BCAR3: variants seen among roughly 807,000 people sequenced by gnomAD.
The protein encoded by BCAR3 is breast cancer anti-estrogen resistance protein 3.
In BCAR3, 37 loss-of-function variants were observed where a neutral mutation model predicts 80.1. The observed-to-expected ratio is 0.46, with a 90% CI of 0.36 to 0.61. BCAR3 has a LOEUF of 0.61. Among genes scored for constraint, BCAR3 ranks in the 20% least tolerant of loss-of-function variants. The pLI is 0.00. For synonymous variants in BCAR3, 389 were observed against 418.9 expected, an observed-to-expected ratio of 0.93 and a Z score of 0.87; for missense variants, 978 against 1,068.2, an observed-to-expected ratio of 0.92 and a Z score of 1.18.
chr1:93,730,061 A>G (rs1437198625), intron 2 of BCAR3, among the ~76,000 whole-genome samples: 1 of 152,230 alleles, frequency 6.6e-6, no homozygotes, highest in African/African-American at 2.4e-5. Flanking sequence ...ATATGACTAA[A>G]TTATCATGTG....
chr1:93,815,857 A>G (rs1479484217), intron 2 of BCAR3, among the ~76,000 whole-genome samples: 1 of 152,166 alleles, frequency 6.6e-6, no homozygotes, highest in Non-Finnish European at 1.5e-5. Flanking sequence ...TATCTCACTG[A>G]TTAGGAGGTT....
intron 2 of BCAR3, among the ~76,000 whole-genome samples, chr1:93,744,477 C>T (rs1241878155): frequency 6.6e-6 from 1 of 152,126 alleles, no homozygotes; most frequent in Non-Finnish European, 1.5e-5. Flanking sequence ...TGGGACCTTC[C>T]TTGGATCTCT....
In BCAR3 at chr1:93,582,549, C is replaced by T. The variant is rs774324851; in HGVS notation, c.1438G>A (p.Asp480Asn). 3 of 1,613,590 alleles carry T rather than the reference C, an allele frequency of 1.9e-6. No homozygotes were observed. The highest frequency in any genetic ancestry group is 4.5e-5 in the East Asian group (2 of 44,828). ...NSGVNYLILD[D>N]DDRERPWEPA... is the part of the protein sequence containing the mutation. ...TCCCAAGGTCTTTCCCTGTCATCAT[C>T]ATCAAGGATCAAGTAGTTGACGCCA... Residue 480 changes from aspartate to asparagine, a missense_variant, in exon 7 of 12, where the codon GAT becomes AAT. Coordinates refer to ENST00000260502, the MANE Select transcript of BCAR3 (RefSeq NM_003567.4).
At chr1:93,726,513 G>A (rs1417099688) in intron 2 of BCAR3, among the ~76,000 whole-genome samples, 1 of 152,224 alleles carries the variant, frequency 6.6e-6, no homozygotes, top group Non-Finnish European at 1.5e-5. Flanking sequence ...GAAAGCTGAT[G>A]TAATTGTGAT....
In BCAR3 at chr1:93,582,855, C is replaced by T; in HGVS notation, c.1132G>A (p.Val378Met). The T allele has an allele frequency of 6.2e-7, 1 of 1,613,140 alleles. No individual in the cohort carries two copies. The highest frequency in any genetic ancestry group is 1.1e-5 in the South Asian group (1 of 91,066). Residue 378 changes from valine to methionine, a missense_variant, in exon 7 of 12, where the codon GTG (valine) becomes ATG (methionine). Physicochemically the swap from Val to Met is conservative, Grantham distance 21. Transcript: ENST00000260502. ...TGSEPALSPA[V>M]VRRVSSDARA... ...GCGTCTGAGGAGACCCTCCGAACCA[C>T]TGCTGGGCTCAGGGCAGGCTCGCTT... is the stretch of plus-strand genomic sequence containing the variant.
chr1:93,749,576 G>A (rs1439498973), intron 2 of BCAR3, among the ~76,000 whole-genome samples: 2 of 140,658 alleles, frequency 1.4e-5, no homozygotes, highest in South Asian at 2.2e-4. Context: ...GTGACAGAGC[G>A]AGACTCCGTC....
At chr1:93,590,722 G>T (rs236322) in intron 4 of BCAR3, among the ~76,000 whole-genome samples, 56,809 of 152,072 alleles carry the variant, frequency 0.37, 14,566 homozygotes, top group African/African-American at 0.74. Context: ...ACATAGAAAT[G>T]CCACTTCTTA....
At chr1:93,843,458 A>C (rs759310349) in intron 2 of BCAR3, among the ~76,000 whole-genome samples, 5 of 152,230 alleles carry the variant, frequency 3.3e-5, no homozygotes, top group Non-Finnish European at 7.3e-5. Flanking sequence ...TGCAATTCTC[A>C]TAACAATTTT....
chr1:93,716,639 G>A (rs1411510835), intron 2 of BCAR3, among the ~76,000 whole-genome samples: 1 of 152,254 alleles, frequency 6.6e-6, no homozygotes, highest in Non-Finnish European at 1.5e-5. Flanking sequence ...AGACAACCAA[G>A]AGGAATGCCG....
At chr1:93,809,641 G>T (rs565775224) in intron 2 of BCAR3, among the ~76,000 whole-genome samples, 9 of 151,926 alleles carry the variant, frequency 5.9e-5, no homozygotes, top group African/African-American at 2.2e-4. Flanking sequence ...GGCTGTGGGT[G>T]CCTGTAATCC....
At chr1:93,668,802 C>T (rs1444134230) in intron 2 of BCAR3, among the ~76,000 whole-genome samples, 1 of 151,648 alleles carries the variant, frequency 6.6e-6, no homozygotes, top group Non-Finnish European at 1.5e-5. Flanking sequence ...ACCTCCGCCT[C>T]CTGAGTTCAA....
upstream of BCAR3, among the ~76,000 whole-genome samples, chr1:93,682,986 A>T (rs1253491404): frequency 6.6e-6 from 1 of 152,010 alleles, no homozygotes; most frequent in African/African-American, 2.4e-5. Flanking sequence ...AAGAAAAAAA[A>T]CTCATCATTG....
chr1:93,660,913 G>A (rs963548461), intron 2 of BCAR3, among the ~76,000 whole-genome samples: 1 of 150,760 alleles, frequency 6.6e-6, no homozygotes, highest in Non-Finnish European at 1.5e-5. Flanking sequence ...TTTCACTCTT[G>A]TTGCCCAGGC....
At chr1:93,831,411 C>T (rs544629284) in intron 2 of BCAR3, among the ~76,000 whole-genome samples, 16 of 152,290 alleles carry the variant, frequency 1.1e-4, no homozygotes, top group African/African-American at 3.4e-4. Context: ...TACCACTTGA[C>T]CCCAGTACAA....
At chr1:93,748,374 C>T (rs769626508) in intron 2 of BCAR3, among the ~76,000 whole-genome samples, 2 of 152,278 alleles carry the variant, frequency 1.3e-5, no homozygotes, top group Middle Eastern at 3.4e-3. Context: ...ATCCTAATTG[C>T]GATATCCTTT....
intron 2 of BCAR3, among the ~76,000 whole-genome samples, chr1:93,808,332 G>GA (rs973152020): frequency 2.6e-5 from 4 of 151,934 alleles, no homozygotes; most frequent in South Asian, 2.1e-4. Context: ...ACAGATTCCA[G>GA]AAAAAAACCA....
chr1:93,603,968 C>T (rs1344971539), intron 3 of BCAR3, among the ~76,000 whole-genome samples: 2 of 152,178 alleles, frequency 1.3e-5, no homozygotes, highest in Non-Finnish European at 2.9e-5. Context: ...TTCTGAAACA[C>T]TTCAATTAGT....
intron 2 of BCAR3, among the ~76,000 whole-genome samples, chr1:93,741,817 C>T (rs1016775028): frequency 4.6e-5 from 7 of 152,184 alleles, no homozygotes; most frequent in Admixed American, 6.5e-5. Context: ...GTGTTCCACC[C>T]GCCTTGGCCT....
intron 2 of BCAR3, among the ~76,000 whole-genome samples, chr1:93,657,086 C>T (rs1647426892): frequency 6.6e-6 from 1 of 152,304 alleles, no homozygotes; most frequent in Middle Eastern, 3.4e-3. Context: ...AACCCAGACA[C>T]TTTGATTTCT....
Sources: allele counts gnomAD v4.1 joint callset (sites outside exome capture counted in the v4.1 genomes callset), GRCh38; gene constraint gnomAD v4.1.1; transcripts MANE v1.5; gene names NCBI Gene and HGNC (gene_info 2026-07-23, HGNC 2026-07-21).